The following ADK variants were observed in gnomAD, a reference collection of about 807,000 sequenced individuals.
The protein encoded by ADK is adenosine kinase.
ADK carries 24 observed loss-of-function variants against 44.7 expected under a neutral mutation model. The ratio of observed to expected loss-of-function variants is 0.54; its 90% CI spans 0.39 to 0.76. The LOEUF is 0.76. ADK is among the 30% of genes least tolerant of loss of function. The pLI is 0.00. For synonymous variants in ADK, 128 were observed against 142.6 expected, an observed-to-expected ratio of 0.90 and a Z score of 0.73; for missense variants, 321 against 425.1, an observed-to-expected ratio of 0.76 and a Z score of 2.15.
chr10:74,495,283 T>C (rs1274443202), intron 6 of ADK, among the ~76,000 whole-genome samples: 1 of 151,998 alleles, frequency 6.6e-6, no homozygotes, highest in Admixed American at 6.6e-5. Flanking sequence ...TTTTTCTTTC[T>C]TTTTGATTTT....
intron 1 of ADK, among the ~76,000 whole-genome samples, chr10:74,198,457 A>G (rs1843246114): frequency 6.6e-6 from 1 of 152,220 alleles, no homozygotes; most frequent in Non-Finnish European, 1.5e-5. Flanking sequence ...ATCATTACAG[A>G]TTATAATTAT....
intron 3 of ADK, among the ~76,000 whole-genome samples, chr10:74,298,381 G>C (rs1839888896): frequency 6.6e-6 from 1 of 152,052 alleles, no homozygotes; most frequent in Non-Finnish European, 1.5e-5. Flanking sequence ...CATTGTAGCA[G>C]CTAAAGAATA....
intron 9 of ADK, among the ~76,000 whole-genome samples, chr10:74,610,498 T>C (rs1262689123): frequency 6.6e-6 from 1 of 152,146 alleles, no homozygotes; most frequent in African/African-American, 2.4e-5. Context: ...TAGTGATAAT[T>C]GCACAATAAT....
intron 6 of ADK, among the ~76,000 whole-genome samples, chr10:74,400,750 G>A (rs1000447706): frequency 2.2e-4 from 33 of 152,154 alleles, no homozygotes; most frequent in African/African-American, 5.5e-4. Flanking sequence ...AGGAAGCAAC[G>A]CAGTTTATCT....
At chr10:74,228,444 GT>G (rs1274376566) in intron 3 of ADK, among the ~76,000 whole-genome samples, 1 of 151,940 alleles carries the variant, frequency 6.6e-6, no homozygotes, top group Non-Finnish European at 1.5e-5. Flanking sequence ...TTCAGTTTTA[GT>G]TTTGTAAATG....
At chr10:74,413,503 CTT>C (rs1425762812) in intron 6 of ADK, among the ~76,000 whole-genome samples, 1 of 152,180 alleles carries the variant, frequency 6.6e-6, no homozygotes, top group African/African-American at 2.4e-5. Context: ...TAGCTTCAGA[CTT>C]TTCTTGCACA....
chr10:74,457,725 G>A (rs1846006253), intron 6 of ADK, among the ~76,000 whole-genome samples: 1 of 152,174 alleles, frequency 6.6e-6, no homozygotes, highest in South Asian at 2.1e-4. Flanking sequence ...CAGGGACATG[G>A]ATAAATCTGG....
At chr10:74,254,807 A>T (rs763100817) in intron 3 of ADK, among the ~76,000 whole-genome samples, 2 of 152,220 alleles carry the variant, frequency 1.3e-5, no homozygotes, top group African/African-American at 2.4e-5. Flanking sequence ...GACACAATGG[A>T]CAAATAGTCA....
At chr10:74,328,102 T>C (rs1017074631) in intron 4 of ADK, among the ~76,000 whole-genome samples, 4 of 152,000 alleles carry the variant, frequency 2.6e-5, no homozygotes, top group Non-Finnish European at 5.9e-5. Flanking sequence ...AGAGACGGGG[T>C]TTCACCATGT....
chr10:74,352,885 A>G (rs1842012497), intron 4 of ADK, among the ~76,000 whole-genome samples: 1 of 152,230 alleles, frequency 6.6e-6, no homozygotes, highest in Non-Finnish European at 1.5e-5. Flanking sequence ...TGCCAGTTAG[A>G]ATGGCGATCA....
chr10:74,418,721 C>T (rs1478858722), intron 6 of ADK, among the ~76,000 whole-genome samples: 2 of 152,164 alleles, frequency 1.3e-5, no homozygotes, highest in African/African-American at 4.8e-5. Context: ...ATCTGTAGAA[C>T]TGCAGACTTG....
chr10:74,386,171 C>T (rs536984819), intron 4 of ADK, among the ~76,000 whole-genome samples: 62 of 152,256 alleles, frequency 4.1e-4, no homozygotes, highest in African/African-American at 1.5e-3. Flanking sequence ...TCATCCTTTG[C>T]AGTCTGCTTG....
intron 10 of ADK, among the ~76,000 whole-genome samples, chr10:74,696,889 C>G (rs906291512): frequency 6.6e-6 from 1 of 152,040 alleles, no homozygotes; most frequent in African/African-American, 2.4e-5. Context: ...TGGCTTCAGG[C>G]TTTATATATA....
intron 7 of ADK, among the ~76,000 whole-genome samples, chr10:74,565,460 G>T (rs1850627116): frequency 6.6e-6 from 1 of 152,212 alleles, no homozygotes; most frequent in Admixed American, 6.5e-5. Context: ...GGGCATGGTG[G>T]CTGACGCCTG....
intron 9 of ADK, among the ~76,000 whole-genome samples, chr10:74,660,693 G>T (rs554964939): frequency 4.6e-4 from 61 of 132,814 alleles, no homozygotes; most frequent in African/African-American, 1.7e-3. Flanking sequence ...TTGCACCACT[G>T]CACTCCAGCC....
chr10:74,370,508 T>G (rs1172091519), intron 4 of ADK, among the ~76,000 whole-genome samples: 1 of 152,196 alleles, frequency 6.6e-6, no homozygotes, highest in Non-Finnish European at 1.5e-5. Flanking sequence ...ATTGACCATC[T>G]GCTTTCCTTG....
At chr10:74,202,145 T>C (rs1003295278) in intron 2 of ADK, among the ~76,000 whole-genome samples, 4 of 152,188 alleles carry the variant, frequency 2.6e-5, no homozygotes, top group African/African-American at 9.6e-5. Context: ...AGTTTTTCTA[T>C]GAATTTGTCT....
intron 3 of ADK, among the ~76,000 whole-genome samples, chr10:74,283,686 T>C (rs1437496788): frequency 7.1e-6 from 1 of 141,318 alleles, no homozygotes; most frequent in African/African-American, 2.6e-5. Flanking sequence ...CTTTCTTTCT[T>C]TTTTTTTTTT....
chr10:74,412,653 T>C (rs1177892963), intron 6 of ADK, among the ~76,000 whole-genome samples: 2 of 152,228 alleles, frequency 1.3e-5, no homozygotes, highest in East Asian at 3.8e-4. Flanking sequence ...TTCATCTTCT[T>C]ATACGTCTCC....
Sources: gnomAD v4.1 joint callset for allele counts (sites outside exome capture counted in the v4.1 genomes callset) on GRCh38, gnomAD v4.1.1 for gene constraint, MANE v1.5 for transcripts, NCBI Gene and HGNC (gene_info 2026-07-23, HGNC 2026-07-21) for gene names.